Variants in CNTNAP5 observed in about 807,000 individuals in gnomAD.
CNTNAP5 encodes contactin associated protein family member 5.
A neutral mutation model predicts 150.2 loss-of-function variants in CNTNAP5; 72 were observed. That is an observed-to-expected ratio of 0.48 (90% CI 0.40 to 0.58). CNTNAP5 has a LOEUF of 0.58. Ranked by LOEUF, CNTNAP5 falls within the 20% of genes least tolerant of loss-of-function variation. The pLI, the probability that CNTNAP5 is intolerant of heterozygous loss-of-function variation, is 0.00. For synonymous variants in CNTNAP5, 672 were observed against 619.8 expected, an observed-to-expected ratio of 1.08 and a Z score of -1.25; for missense variants, 1,636 against 1,626.2, an observed-to-expected ratio of 1.01 and a Z score of -0.10.
chr2:124,631,477 A>C (rs1280573812), intron 12 of CNTNAP5, among the ~76,000 whole-genome samples: 1 of 152,086 alleles, frequency 6.6e-6, no homozygotes, highest in African/African-American at 2.4e-5. Context: ...AATGGGGAAA[A>C]GATTCCCTAT....
chr2:124,676,926 C>T (rs72845078), intron 13 of CNTNAP5, among the ~76,000 whole-genome samples: 3,252 of 152,228 alleles, frequency 0.021, 45 homozygotes, highest in Middle Eastern at 0.037. Context: ...TTTGGAGGCC[C>T]TTCCTCCACC....
chr2:124,491,209 C>A (rs184137170), intron 7 of CNTNAP5, among the ~76,000 whole-genome samples: 184 of 152,194 alleles, frequency 1.2e-3, no homozygotes, highest in African/African-American at 4.2e-3. Flanking sequence ...TGATTAACAT[C>A]TCTCCATTTC....
At chr2:124,283,642 G>A (rs999190041) in intron 3 of CNTNAP5, among the ~76,000 whole-genome samples, 23 of 152,062 alleles carry the variant, frequency 1.5e-4, no homozygotes, top group African/African-American at 4.8e-4. Flanking sequence ...AATGAAAGAG[G>A]GACTATTAGT....
intron 6 of CNTNAP5, among the ~76,000 whole-genome samples, chr2:124,471,507 C>T (rs1693514501): frequency 6.6e-6 from 1 of 152,090 alleles, no homozygotes. Flanking sequence ...ATGTCATCTG[C>T]AAACAAAGAT....
intron 12 of CNTNAP5, among the ~76,000 whole-genome samples, chr2:124,621,396 A>G (rs1558707635): frequency 6.6e-6 from 1 of 152,174 alleles, no homozygotes; most frequent in South Asian, 2.1e-4. Context: ...TTCCATTCTC[A>G]AACAGCTCAT....
intron 1 of CNTNAP5, among the ~76,000 whole-genome samples, chr2:124,093,945 A>G (rs142801470): frequency 1.9e-3 from 283 of 152,344 alleles, no homozygotes; most frequent in Non-Finnish European, 3.3e-3. Context: ...ATGAGGCACA[A>G]CGTATTCTGA....
At chr2:124,603,752 G>A (rs979525258) in intron 11 of CNTNAP5, among the ~76,000 whole-genome samples, 3 of 152,114 alleles carry the variant, frequency 2.0e-5, no homozygotes, top group African/African-American at 7.2e-5. Context: ...CAAGATAGAT[G>A]CTACGTAGGT....
intron 1 of CNTNAP5, among the ~76,000 whole-genome samples, chr2:124,028,045 A>G (rs939884276): frequency 3.3e-5 from 5 of 152,200 alleles, no homozygotes; most frequent in Non-Finnish European, 7.3e-5. Context: ...CATATACTGA[A>G]CATTAGCAAT....
chr2:124,192,234 TG>T, intron 1 of CNTNAP5, among the ~76,000 whole-genome samples: 1 of 152,154 alleles, frequency 6.6e-6, no homozygotes, highest in Non-Finnish European at 1.5e-5. Flanking sequence ...GACAAGGGCT[TG>T]GGAAGAGTGG....
intron 3 of CNTNAP5, among the ~76,000 whole-genome samples, chr2:124,324,435 G>A (rs1264653480): frequency 1.3e-5 from 2 of 152,176 alleles, no homozygotes; most frequent in Non-Finnish European, 2.9e-5. Context: ...AAAGAAAGTG[G>A]AACTTGGAGA....
chr2:124,529,393 G>T (rs1227560870), intron 10 of CNTNAP5, among the ~76,000 whole-genome samples: 1 of 152,116 alleles, frequency 6.6e-6, no homozygotes, highest in African/African-American at 2.4e-5. Flanking sequence ...TGTAATTGTA[G>T]TCTTGTATAA....
chr2:124,777,775 A>G (rs962020385), intron 17 of CNTNAP5, among the ~76,000 whole-genome samples: 29 of 130,692 alleles, frequency 2.2e-4, no homozygotes, highest in Middle Eastern at 3.8e-3. Context: ...GAATGGAGGG[A>G]TGTGTGTGTG....
chr2:124,816,473 C>CTTTTTTTT (rs34089178), intron 19 of CNTNAP5, among the ~76,000 whole-genome samples: 3 of 107,660 alleles, frequency 2.8e-5, no homozygotes, highest in African/African-American at 7.5e-5. Flanking sequence ...TTGCAGCTTA[C>CTTTTTTTT]TTTTTTTTTT....
intron 13 of CNTNAP5, among the ~76,000 whole-genome samples, chr2:124,695,114 G>A (rs1001665165): frequency 6.6e-6 from 1 of 151,810 alleles, no homozygotes; most frequent in African/African-American, 2.4e-5. Flanking sequence ...CCAGAGAATC[G>A]ATAAAACAAT....
At chr2:124,490,546 T>C (rs929567531) in intron 7 of CNTNAP5, among the ~76,000 whole-genome samples, 4 of 152,090 alleles carry the variant, frequency 2.6e-5, no homozygotes, top group Non-Finnish European at 5.9e-5. Flanking sequence ...AGTTCTTATG[T>C]AAGAAGTAAA....
At chr2:124,646,275 G>T (rs1271121817) in intron 12 of CNTNAP5, among the ~76,000 whole-genome samples, 1 of 152,180 alleles carries the variant, frequency 6.6e-6, no homozygotes. Context: ...CACCCAAGTG[G>T]CCTATTCTTT....
chr2:124,557,419 A>C (rs562455810), intron 10 of CNTNAP5, among the ~76,000 whole-genome samples: 2 of 152,110 alleles, frequency 1.3e-5, no homozygotes, highest in African/African-American at 4.8e-5. Context: ...GGTAATAGTA[A>C]ATGGGTGAAG....
At chr2:124,096,863 C>T (rs62163875) in intron 1 of CNTNAP5, among the ~76,000 whole-genome samples, 21,064 of 151,632 alleles carry the variant, frequency 0.14, 1,977 homozygotes, top group Non-Finnish European at 0.21. Context: ...ACCACCATGC[C>T]GGGCTAATTT....
intron 3 of CNTNAP5, among the ~76,000 whole-genome samples, chr2:124,392,207 C>T (rs1182888180): frequency 6.6e-6 from 1 of 152,022 alleles, no homozygotes; most frequent in East Asian, 1.9e-4. Flanking sequence ...AGATTGCTTA[C>T]TGTGAAGAAA....
Sources: gnomAD v4.1 joint callset for allele counts (sites outside exome capture counted in the v4.1 genomes callset) on GRCh38, gnomAD v4.1.1 for gene constraint, MANE v1.5 for transcripts, NCBI Gene and HGNC (gene_info 2026-07-23, HGNC 2026-07-21) for gene names.